CCDC7: variants seen among roughly 807,000 people sequenced by gnomAD.
CCDC7 encodes the protein coiled-coil domain-containing protein 7.
CCDC7 carries 183 observed loss-of-function variants against 196.9 expected under a neutral mutation model. The observed-to-expected ratio is 0.93, with a 90% CI of 0.82 to 1.05. CCDC7 has a LOEUF of 1.05. Ranked by LOEUF, CCDC7 falls within the 50% of genes least tolerant of loss-of-function variation. The pLI is 0.00. For synonymous variants in CCDC7, 525 were observed against 484.6 expected (o/e 1.08, Z -1.10); for missense variants, 1,540 against 1,482.2 (o/e 1.04, Z -0.64).
At chr10:32,524,981 C>A (rs1388634770) in intron 11 of CCDC7, among the ~76,000 whole-genome samples, 3 of 151,754 alleles carry the variant, frequency 2.0e-5, no homozygotes, top group Admixed American at 2.0e-4. Context: ...CCATCTCTTT[C>A]TCCTGTTCAA....
intron 8 of CCDC7, among the ~76,000 whole-genome samples, chr10:32,474,310 G>C (rs2038573530): frequency 7.6e-6 from 1 of 130,918 alleles, no homozygotes; most frequent in Non-Finnish European, 1.6e-5. Flanking sequence ...TGCAACCTCT[G>C]CCTCCTGGGT....
exon 40 of CCDC7, chr10:32,851,843 C>A (rs2093577017): frequency 6.2e-7 from 1 of 1,612,410 alleles, no homozygotes; most frequent in Admixed American, 1.7e-5. Flanking sequence ...TATGTGACTG[C>A]ACCTTCAAAA....
At chr10:32,502,091 G>A (rs564557225) in intron 9 of CCDC7, among the ~76,000 whole-genome samples, 1 of 152,304 alleles carries the variant, frequency 6.6e-6, no homozygotes, top group South Asian at 2.1e-4. Context: ...CCAAGGTCGA[G>A]TATCCCAGGT....
chr10:32,808,138 T>C (rs1241965592), intron 30 of CCDC7, among the ~76,000 whole-genome samples: 1 of 152,142 alleles, frequency 6.6e-6, no homozygotes, highest in African/African-American at 2.4e-5. Flanking sequence ...GGCACACCAC[T>C]TGGGGTCCTG....
rs544012930 is a variant in CCDC7, at chr10:32,567,632, A to G, written c.1198-38A>G. 1.2e-5 allele frequency: 18 copies of G among 1,560,982 alleles called. No homozygotes were observed. The African/African-American group carries it at 1.5e-4, about 13-fold the overall frequency. The stretch of plus-strand genomic sequence containing the variant: ...GTGGTAGTATTGGCAGGAAAATATC[A>G]GAAAATGCTTAATAAACTGGTACTT... On this transcript the variant is annotated intron_variant, in intron 14 of 41. Transcript: ENST00000639629.
intron 29 of CCDC7, among the ~76,000 whole-genome samples, chr10:32,800,983 C>T (rs2084672090): frequency 1.3e-5 from 2 of 152,344 alleles, no homozygotes; most frequent in South Asian, 4.1e-4. Context: ...GCTACTTTGC[C>T]TCTGCTGTCC....
chr10:32,472,687 T>G (rs891084294), intron 7 of CCDC7, 145 bp downstream of exon 8: 7 of 669,740 alleles, frequency 1.0e-5, no homozygotes, highest in African/African-American at 1.9e-5. Flanking sequence ...CTCAAACTCT[T>G]GGGCTCAAGT....
intron 33 of CCDC7, among the ~76,000 whole-genome samples, chr10:32,844,277 T>C (rs764611775): frequency 1.3e-5 from 2 of 151,984 alleles, no homozygotes; most frequent in Admixed American, 1.3e-4. Context: ...GCAATCTCAA[T>C]GCTTATGCTA....
At chr10:32,845,893 T>C in exon 36 of CCDC7, 1 of 1,611,442 alleles carries the variant, frequency 6.2e-7, no homozygotes, top group Non-Finnish European at 8.5e-7. Context: ...TAAGGAATTC[T>C]TGGCAGATGC....
At chr10:32,635,017 A>G (rs55696063) in intron 19 of CCDC7, 40 bp from the exon 21 acceptor site, 9,417 of 397,586 alleles carry the variant, frequency 0.024, 738 homozygotes, top group African/African-American at 0.17. Flanking sequence ...ATTACTTGAC[A>G]TATACAGAAG....
At chr10:32,773,602 AT>A (rs1228691763) in intron 28 of CCDC7, among the ~76,000 whole-genome samples, 1 of 151,704 alleles carries the variant, frequency 6.6e-6, no homozygotes, top group Non-Finnish European at 1.5e-5. Flanking sequence ...TTCTATCTGT[AT>A]TTTTTTGTAA....
At chr10:32,765,570 T>C (rs993899464) in intron 28 of CCDC7, among the ~76,000 whole-genome samples, 21 of 152,076 alleles carry the variant, frequency 1.4e-4, no homozygotes, top group Admixed American at 1.3e-4. Context: ...CTACTAGAAC[T>C]GATTCTACCT....
chr10:32,629,667 G>T (rs920152850), intron 18 of CCDC7, among the ~76,000 whole-genome samples: 3 of 152,040 alleles, frequency 2.0e-5, no homozygotes, highest in African/African-American at 7.2e-5. Context: ...AGCCAGAGAA[G>T]AAGGTGCAGG....
At chr10:32,822,782 T>C (rs954733880) in intron 31 of CCDC7, among the ~76,000 whole-genome samples, 1 of 152,132 alleles carries the variant, frequency 6.6e-6, no homozygotes, top group Non-Finnish European at 1.5e-5. Context: ...GGTTTAAAAA[T>C]ATACACATTT....
At chr10:32,542,633 C>CA (rs11375465) in intron 11 of CCDC7, among the ~76,000 whole-genome samples, 46,627 of 87,822 alleles carry the variant, frequency 0.53, 12,913 homozygotes, top group Non-Finnish European at 0.59. Context: ...ACTCCCATCT[C>CA]AAAAAAAAAA....
intron 18 of CCDC7, among the ~76,000 whole-genome samples, chr10:32,605,290 C>G (rs950138880): frequency 8.5e-5 from 13 of 152,068 alleles, no homozygotes; most frequent in African/African-American, 2.9e-4. Context: ...TATAAATTAC[C>G]CAGTCTCAGA....
chr10:32,791,168 C>T (rs1478947755), intron 29 of CCDC7, among the ~76,000 whole-genome samples: 1 of 152,016 alleles, frequency 6.6e-6, no homozygotes, highest in East Asian at 1.9e-4. Flanking sequence ...GAGATCACAC[C>T]ACTGTGCTTA....
intron 41 of CCDC7, among the ~76,000 whole-genome samples, chr10:32,863,463 C>T (rs577646369): frequency 6.6e-6 from 1 of 152,124 alleles, no homozygotes; most frequent in South Asian, 2.1e-4. Flanking sequence ...AACAATCCTC[C>T]TGCCCCAGCC....
At chr10:32,443,920 G>T (rs1375485520), upstream of CCDC7, among the ~76,000 whole-genome samples, 11 of 151,924 alleles carry the variant, frequency 7.2e-5, no homozygotes, top group Admixed American at 5.9e-4. Context: ...TAGCAATATT[G>T]GGTCTTCTAA....
Sources: gnomAD v4.1 joint callset for allele counts (sites outside exome capture counted in the v4.1 genomes callset) on GRCh38, gnomAD v4.1.1 for gene constraint, MANE v1.5 for transcripts, NCBI Gene and HGNC (gene_info 2026-07-23, HGNC 2026-07-21) for gene names.